CHD4: variants seen among roughly 807,000 people sequenced by gnomAD.
CHD4 encodes ATP-dependent chromatin remodeler CHD4.
Under a neutral mutation model 235.5 loss-of-function variants are expected in CHD4, and 35 were observed. The ratio of observed to expected loss-of-function variants is 0.15; its 90% CI spans 0.11 to 0.20. The LOEUF (loss-of-function observed/expected upper bound fraction) is 0.20, where lower values mean the gene tolerates loss of function less well. CHD4 is among the 10% of genes least tolerant of loss of function. The pLI is 1.00. For missense variants in CHD4, 1,329 were observed against 2,432.3 expected, an observed-to-expected ratio of 0.55 and a Z score of 9.54; for synonymous variants, 900 against 850.2, an observed-to-expected ratio of 1.06 and a Z score of -1.02.
intron 37 of CHD4, among the ~76,000 whole-genome samples, chr12:6,573,834 G>A (rs1357498096): frequency 6.6e-5 from 10 of 152,038 alleles, no homozygotes; most frequent in Non-Finnish European, 1.3e-4. Flanking sequence ...GACCAGCCTG[G>A]CCAACATGAC....
chr12:6,591,287 A>T (rs760202761), intron 22 of CHD4, 179 bp downstream of exon 22: 2 of 564,504 alleles, frequency 3.5e-6, no homozygotes, highest in Non-Finnish European at 6.2e-6. Context: ...CCCCAAAAGA[A>T]AAAATCTCCT....
intron 2 of CHD4, among the ~76,000 whole-genome samples, chr12:6,604,688 G>A (rs1434544327): frequency 1.3e-5 from 2 of 152,078 alleles, no homozygotes; most frequent in East Asian, 3.9e-4. Context: ...AAACTTCTCA[G>A]GCAAATAATA....
chr12:6,596,597 C>T (rs564074783), intron 12 of CHD4, among the ~76,000 whole-genome samples: 116 of 151,326 alleles, frequency 7.7e-4, no homozygotes, highest in African/African-American at 2.7e-3. Flanking sequence ...GTCGGGAGTT[C>T]AAGACCAGTC....
intron 28 of CHD4, 48 bp from the exon 29 acceptor site, chr12:6,582,796 C>CA (rs1391274977): frequency 1.2e-6 from 2 of 1,613,882 alleles, no homozygotes; most frequent in East Asian, 4.5e-5. Context: ...CGCATTCCAC[C>CA]AAAGATGCAA....
chr12:6,599,489 C>T (rs1378097841), intron 10 of CHD4, among the ~76,000 whole-genome samples: 1 of 151,978 alleles, frequency 6.6e-6, no homozygotes, highest in South Asian at 2.1e-4. Flanking sequence ...TGTAAGCTAC[C>T]AAGACCCTGA....
chr12:6,588,187 G>A (rs12310569), intron 23 of CHD4, 111 bp downstream of exon 23: 214,270 of 1,382,630 alleles, frequency 0.15, 17,547 homozygotes, highest in South Asian at 0.18. Flanking sequence ...AAAAGAATCT[G>A]TTGTTTCTCA....
At chr12:6,604,582 C>A (rs1439026141) in intron 2 of CHD4, among the ~76,000 whole-genome samples, 1 of 151,850 alleles carries the variant, frequency 6.6e-6, no homozygotes, top group Non-Finnish European at 1.5e-5. Context: ...CAACCCCCAT[C>A]AGCTACATCT....
intron 12 of CHD4, among the ~76,000 whole-genome samples, chr12:6,597,638 C>T (rs922623166): frequency 2.0e-5 from 3 of 151,662 alleles, no homozygotes; most frequent in South Asian, 2.1e-4. Flanking sequence ...TGGTGGCTTG[C>T]GCCTGTAGTC....
chr12:6,605,825 G>A (rs767687805), intron 2 of CHD4, among the ~76,000 whole-genome samples: 2 of 152,144 alleles, frequency 1.3e-5, no homozygotes, highest in African/African-American at 2.4e-5. Flanking sequence ...ATCAGATAGA[G>A]TGTAACCAGC....
intron 12 of CHD4, among the ~76,000 whole-genome samples, chr12:6,597,341 C>A (rs1948517754): frequency 1.3e-5 from 2 of 152,230 alleles, no homozygotes; most frequent in Non-Finnish European, 2.9e-5. Context: ...TAGCTCACGC[C>A]TGTAATCCTA....
chr12:6,603,593 C>T (rs78742502), intron 2 of CHD4, among the ~76,000 whole-genome samples: 20,655 of 151,264 alleles, frequency 0.14, 1,520 homozygotes, highest in Non-Finnish European at 0.16. Context: ...CTCATAGAAG[C>T]CTCCCCAAAT....
rs1004823617 is a variant in CHD4, at chr12:6,601,043, A to G, written c.810T>C (p.Ala270=). 4 of 1,575,094 alleles carry G rather than the reference A, an allele frequency of 2.5e-6. No individual in the cohort carries two copies. In the African/African-American group the frequency reaches 5.5e-5, roughly 22 times the overall value. ...GAGGGCTGCCCTTGGGCTTCCTCCG[A>G]GCATTGGGACCTAAAATCAGGATAT... The part of the protein sequence containing the change: ...AKTKEGKGPN[A]RRKPKGSPRV... The change falls in exon 7 of 40, where the codon GCT becomes GCC. Residue 270 remains alanine (A), a synonymous_variant. Transcript: ENST00000544040.
intron 1 of CHD4, 159 bp from the exon 2 acceptor site, chr12:6,606,610 C>A: frequency 2.5e-6 from 1 of 397,534 alleles, no homozygotes; most frequent in East Asian, 4.2e-5. Flanking sequence ...GGGGGCAGCC[C>A]GGAAGCCGGC....
intron 22 of CHD4, among the ~76,000 whole-genome samples, chr12:6,589,731 C>T (rs931360974): frequency 5.3e-5 from 8 of 151,072 alleles, no homozygotes; most frequent in African/African-American, 2.0e-4. Context: ...CAGGCCACTG[C>T]ACTCCAGCCT....
Position 6,606,452 on chromosome 12 carries a change from C to G in CHD4, c.-78-1G>C. 1 of 779,804 alleles carries G rather than the reference C, an allele frequency of 1.3e-6. No individual in the cohort carries two copies. The allele number at this position is 779,804 out of a possible 1,614,324, so 48.3% of individuals were successfully genotyped here. On this transcript the variant is annotated splice_acceptor_variant, in intron 1 of 39. Coordinates refer to ENST00000544040, the MANE Select transcript of CHD4 (RefSeq NM_001273.5). LOFTEE classifies it low-confidence loss of function (5UTR_SPLICE). ...AGGACCTCTACACTGGCCCGAGTCACTGTGCGGGGGAGGGGGGAGAAACAC... is the reference window on the plus strand; with the variant it reads ...AGGACCTCTACACTGGCCCGAGTCAGTGTGCGGGGGAGGGGGGAGAAACAC...
At chr12:6,605,683 T>C (rs1948682601) in intron 2 of CHD4, among the ~76,000 whole-genome samples, 1 of 152,016 alleles carries the variant, frequency 6.6e-6, no homozygotes, top group Non-Finnish European at 1.5e-5. Context: ...CCCCCATCAC[T>C]TCCCCACTCA....
chr12:6,599,367 G>C (rs1229353990), intron 10 of CHD4, among the ~76,000 whole-genome samples: 6 of 151,916 alleles, frequency 3.9e-5, no homozygotes, highest in Admixed American at 1.3e-4. Context: ...TTGAGCCCAA[G>C]AGTTGGAGGC....
intron 8 of CHD4, 65 bp from the exon 9 acceptor site, chr12:6,600,460 C>CCCAAAAACCA: frequency 1.2e-6 from 2 of 1,605,554 alleles, no homozygotes; most frequent in Non-Finnish European, 1.7e-6. Context: ...CCCCCGACCC[C>CCCAAAAACCA]TATCTCCTTA....
chr12:6,598,291 T>G lies in CHD4; in HGVS notation c.1617A>C (p.Pro539=). 1 of 1,614,098 alleles carries G rather than the reference T, an allele frequency of 6.2e-7. No homozygotes were observed. The highest frequency in any genetic ancestry group is 8.5e-7 in the Non-Finnish European group (1 of 1,179,950). ...GCCATTTCACAAAGAACTGCCGCTCTGGCCGCCCCTCCAAGGGCTTTGGGG... is the reference window on the plus strand; with the variant it reads ...GCCATTTCACAAAGAACTGCCGCTCGGGCCGCCCCTCCAAGGGCTTTGGGG... ...TPSPKPLEGR[P]ERQFFVKWQG... The change falls in exon 11 of 40, where the codon CCA becomes CCC. Residue 539 remains proline, a synonymous_variant. Transcript: ENST00000544040.
Sources: allele counts gnomAD v4.1 joint callset (sites outside exome capture counted in the v4.1 genomes callset), GRCh38; gene constraint gnomAD v4.1.1; transcripts MANE v1.5; gene names NCBI Gene and HGNC (gene_info 2026-07-23, HGNC 2026-07-21).